Variants in PCDH7 observed in about 807,000 individuals in gnomAD.
The protein encoded by PCDH7 is protocadherin-7.
A neutral mutation model predicts 58.9 loss-of-function variants in PCDH7; 17 were observed. That is an observed-to-expected ratio of 0.29 (90% CI 0.20 to 0.43). The LOEUF is 0.43. PCDH7 is among the 20% of genes least tolerant of loss of function. PCDH7 has a pLI of 1.00. For missense variants in PCDH7, 1,274 were observed against 1,441.0 expected, an observed-to-expected ratio of 0.88 and a Z score of 1.88; for synonymous variants, 664 against 616.4, an observed-to-expected ratio of 1.08 and a Z score of -1.14.
At chr4:30,839,460 T>A (rs996964390) in intron 1 of PCDH7, among the ~76,000 whole-genome samples, 1 of 152,132 alleles carries the variant, frequency 6.6e-6, no homozygotes. Context: ...GCAGCAAGTA[T>A]GATTTCGTAT....
chr4:30,752,144 T>C (rs77997760), intron 1 of PCDH7, among the ~76,000 whole-genome samples: 22 of 152,120 alleles, frequency 1.4e-4, no homozygotes, highest in Non-Finnish European at 2.9e-4. Context: ...CCTTTTTTTT[T>C]CCTTCAAGAT....
chr4:30,894,516 T>TATATACACAC (rs1400204196), intron 1 of PCDH7, among the ~76,000 whole-genome samples: 8 of 32,200 alleles, frequency 2.5e-4, no homozygotes, highest in Admixed American at 5.4e-4. Context: ...TATATATATA[T>TATATACACAC]ACACACACAC....
At chr4:30,937,997 A>G (rs1745561357) in intron 2 of PCDH7, among the ~76,000 whole-genome samples, 1 of 151,912 alleles carries the variant, frequency 6.6e-6, no homozygotes, top group Non-Finnish European at 1.5e-5. Context: ...ATTATCATAT[A>G]TATTTTACAA....
intron 3 of PCDH7, among the ~76,000 whole-genome samples, chr4:31,016,853 G>C (rs1348692229): frequency 6.8e-6 from 1 of 147,986 alleles, no homozygotes; most frequent in Non-Finnish European, 1.5e-5. Flanking sequence ...GTGTGTGCTG[G>C]GTGTGTGTGT....
chr4:30,834,629 T>C (rs1730236638), intron 1 of PCDH7, among the ~76,000 whole-genome samples: 1 of 151,608 alleles, frequency 6.6e-6, no homozygotes, highest in Non-Finnish European at 1.5e-5. Flanking sequence ...TTGGTAAAAA[T>C]GTTCATTTCA....
intron 1 of PCDH7, among the ~76,000 whole-genome samples, chr4:30,866,434 A>C (rs1734887618): frequency 6.6e-6 from 1 of 152,140 alleles, no homozygotes; most frequent in African/African-American, 2.4e-5. Flanking sequence ...GATCTGTTTG[A>C]CCTGAAGTTC....
chr4:30,770,065 C>A (rs1330706659), intron 1 of PCDH7, among the ~76,000 whole-genome samples: 4 of 152,136 alleles, frequency 2.6e-5, no homozygotes, highest in Non-Finnish European at 5.9e-5. Context: ...GTGGTGTACT[C>A]GTAATGGCCA....
chr4:31,051,806 C>G (rs1578661001), intron 3 of PCDH7, among the ~76,000 whole-genome samples: 1 of 138,878 alleles, frequency 7.2e-6, no homozygotes, highest in African/African-American at 3.0e-5. Flanking sequence ...TTGATCTTCT[C>G]AAAACCAAAG....
At chr4:30,979,088 G>A (rs1322002217) in intron 3 of PCDH7, among the ~76,000 whole-genome samples, 2 of 151,754 alleles carry the variant, frequency 1.3e-5, no homozygotes, top group East Asian at 1.9e-4. Flanking sequence ...AAAAATTGGG[G>A]GGCCGAGGCA....
intron 3 of PCDH7, among the ~76,000 whole-genome samples, chr4:30,965,195 A>G (rs913121411): frequency 2.0e-5 from 3 of 152,200 alleles, no homozygotes; most frequent in African/African-American, 7.2e-5. Context: ...ATCATACATT[A>G]ATTTATAAAG....
At chr4:30,846,143 C>G (rs1731914474) in intron 1 of PCDH7, among the ~76,000 whole-genome samples, 1 of 152,052 alleles carries the variant, frequency 6.6e-6, no homozygotes, top group Admixed American at 6.6e-5. Context: ...ACCAGGGTTT[C>G]CCAATGTTGG....
chr4:30,984,689 G>T (rs1050370121), intron 3 of PCDH7, among the ~76,000 whole-genome samples: 4 of 147,252 alleles, frequency 2.7e-5, no homozygotes, highest in African/African-American at 9.8e-5. Context: ...TCTAAAGGTG[G>T]CCAGTTTGCT....
intron 3 of PCDH7, among the ~76,000 whole-genome samples, chr4:30,984,209 G>A (rs1188901230): frequency 6.6e-6 from 1 of 152,120 alleles, no homozygotes; most frequent in Non-Finnish European, 1.5e-5. Flanking sequence ...CATATGCAAG[G>A]GTTAGTTTTT....
In PCDH7 at chr4:30,807,754, G is replaced by GA. The variant is rs796427791; in HGVS notation, c.70+83169dup. 3.0e-3 allele frequency among the ~76,000 whole-genome samples: 439 copies of GA among 143,954 alleles called. 2 individuals are homozygous for GA. Among genetic ancestry groups the GA allele is most frequent in the African/African-American group, 9.8e-3 (391 of 39,756 alleles). The allele number at this position is 143,954 out of a possible 152,430, so 94.4% of individuals were successfully genotyped here. A position where few individuals can be genotyped will look rare whatever the true frequency, so the allele number is the denominator to read the frequency against. On this transcript the variant is annotated intron_variant, in intron 1 of 3. Coordinates refer to the PCDH7 transcript ENST00000509759. ...TACTATCATAGTCAAATCTATTTGT[G>GA]AAAAAAAAAAAGGAAATTTGGTGAT...
At chr4:31,024,249 A>G (rs1354549878) in intron 3 of PCDH7, among the ~76,000 whole-genome samples, 2 of 152,166 alleles carry the variant, frequency 1.3e-5, no homozygotes, top group African/African-American at 4.8e-5. Context: ...TTAATACGTG[A>G]AAAAACCTTC....
intron 3 of PCDH7, among the ~76,000 whole-genome samples, chr4:31,097,076 G>A (rs1532562): frequency 3.9e-5 from 6 of 151,960 alleles, no homozygotes; most frequent in East Asian, 1.9e-4. Flanking sequence ...GCCAATTTGC[G>A]CCTAGTTGTG....
intron 1 of PCDH7, among the ~76,000 whole-genome samples, chr4:30,861,799 T>A (rs1337549008): frequency 6.6e-6 from 1 of 152,164 alleles, no homozygotes; most frequent in Non-Finnish European, 1.5e-5. Flanking sequence ...TGTTCAATGG[T>A]ATAAAATCAT....
At chr4:30,881,814 A>G (rs1328697177) in intron 1 of PCDH7, among the ~76,000 whole-genome samples, 2 of 152,122 alleles carry the variant, frequency 1.3e-5, no homozygotes, top group Non-Finnish European at 2.9e-5. Context: ...CTTCAGAAAT[A>G]GTCCTTGAAT....
At chr4:30,852,485 A>T (rs1426709991) in intron 1 of PCDH7, among the ~76,000 whole-genome samples, 1 of 152,050 alleles carries the variant, frequency 6.6e-6, no homozygotes, top group Non-Finnish European at 1.5e-5. Context: ...AGAATCCTAA[A>T]CTATCTCTTG....
Sources: allele counts gnomAD v4.1 joint callset (sites outside exome capture counted in the v4.1 genomes callset), GRCh38; gene constraint gnomAD v4.1.1; transcripts MANE v1.5; gene names NCBI Gene and HGNC (gene_info 2026-07-23, HGNC 2026-07-21).